PGM5: variants seen among roughly 807,000 people sequenced by gnomAD.
PGM5 encodes the protein phosphoglucomutase-like protein 5.
Under a neutral mutation model 59.2 loss-of-function variants are expected in PGM5, and 23 were observed. That is an observed-to-expected ratio of 0.39 (90% CI 0.28 to 0.55). The LOEUF (loss-of-function observed/expected upper bound fraction) is 0.55. Among genes scored for constraint, PGM5 ranks in the 20% least tolerant of loss-of-function variants. The probability of loss-of-function intolerance (pLI) is 0.66; values close to 1 mark genes in which losing one functional copy is unlikely to be tolerated. For missense variants in PGM5, 574 were observed against 748.3 expected, an observed-to-expected ratio of 0.77 and a Z score of 2.72; for synonymous variants, 214 against 286.0, an observed-to-expected ratio of 0.75 and a Z score of 2.54.
At chr9:68,482,896 T>C (rs1824221128) in intron 8 of PGM5, among the ~76,000 whole-genome samples, 1 of 152,258 alleles carries the variant, frequency 6.6e-6, no homozygotes, top group Non-Finnish European at 1.5e-5. Context: ...ATTGGTATTA[T>C]TTTTAGTCTT....
intron 7 of PGM5, among the ~76,000 whole-genome samples, chr9:68,470,173 TTTA>T (rs1554686135): frequency 6.6e-6 from 1 of 152,194 alleles, no homozygotes; most frequent in East Asian, 1.9e-4. Flanking sequence ...TTATTTATAA[TTTA>T]TTATGTTAAC....
At chr9:68,360,292 A>C (rs1195726446) in intron 1 of PGM5, among the ~76,000 whole-genome samples, 1 of 151,574 alleles carries the variant, frequency 6.6e-6, no homozygotes, top group Non-Finnish European at 1.5e-5. Flanking sequence ...TGTATAAAAA[A>C]TTTTATAAAT....
chr9:68,484,074 G>T, intron 9 of PGM5, 26 bp downstream of exon 9: 1 of 1,604,236 alleles, frequency 6.2e-7, no homozygotes, highest in Non-Finnish European at 8.5e-7. Flanking sequence ...TCACTACAAC[G>T]GGTTATCAGG....
chr9:68,499,840 T>A (rs1315857165), intron 10 of PGM5, among the ~76,000 whole-genome samples: 1 of 152,232 alleles, frequency 6.6e-6, no homozygotes, highest in Non-Finnish European at 1.5e-5. Context: ...GGTGGCCTTT[T>A]AAGTTAAGGA....
chr9:68,470,306 A>AGTCATTT (rs1823999898), intron 7 of PGM5, among the ~76,000 whole-genome samples: 1 of 152,188 alleles, frequency 6.6e-6, no homozygotes, highest in Admixed American at 6.5e-5. Context: ...ACTTTAGCAT[A>AGTCATTT]GTCATTTTGT....
At chr9:68,433,403 G>C in intron 6 of PGM5, among the ~76,000 whole-genome samples, 1 of 152,194 alleles carries the variant, frequency 6.6e-6, no homozygotes, top group East Asian at 1.9e-4. Flanking sequence ...ATGAAAATCT[G>C]CTCTTTAAAA....
At chr9:68,410,163 A>G (rs566453464) in intron 6 of PGM5, among the ~76,000 whole-genome samples, 5 of 152,248 alleles carry the variant, frequency 3.3e-5, no homozygotes, top group Non-Finnish European at 7.3e-5. Context: ...GAAGAAGGGC[A>G]AAGGACTACA....
At chr9:68,400,106 T>C (rs555676032) in intron 6 of PGM5, among the ~76,000 whole-genome samples, 158 of 152,264 alleles carry the variant, frequency 1.0e-3, no homozygotes, top group African/African-American at 3.6e-3. Flanking sequence ...TCCCACTTCC[T>C]CTAGACTTCC....
intron 6 of PGM5, among the ~76,000 whole-genome samples, chr9:68,415,462 C>A (rs1274881049): frequency 6.8e-6 from 1 of 146,924 alleles, no homozygotes; most frequent in Non-Finnish European, 1.5e-5. Context: ...ATTCAAAGCA[C>A]AGCCTGGAAC....
intron 8 of PGM5, among the ~76,000 whole-genome samples, chr9:68,483,184 G>T (rs1216222966): frequency 6.6e-6 from 1 of 152,102 alleles, no homozygotes; most frequent in Admixed American, 6.6e-5. Context: ...TGGAGCTCAC[G>T]TTCTGGTGGC....
At chr9:68,499,835 C>A (rs1488601377) in intron 10 of PGM5, among the ~76,000 whole-genome samples, 3 of 152,218 alleles carry the variant, frequency 2.0e-5, no homozygotes, top group South Asian at 2.1e-4. Flanking sequence ...ATATAGGTGG[C>A]CTTTTAAGTT....
At chr9:68,406,678 G>GTATATGTA (rs1822819715) in intron 6 of PGM5, among the ~76,000 whole-genome samples, 2 of 23,600 alleles carry the variant, frequency 8.5e-5, no homozygotes, top group African/African-American at 3.5e-4. Flanking sequence ...ATATATATAT[G>GTATATGTA]TATATATATA....
At chr9:68,408,408 T>A (rs2132036372) in intron 6 of PGM5, among the ~76,000 whole-genome samples, 1 of 152,312 alleles carries the variant, frequency 6.6e-6, no homozygotes. Flanking sequence ...TTCACCCACT[T>A]TTTGATGGGG....
intron 6 of PGM5, 142 bp downstream of exon 6, chr9:68,392,615 A>G (rs1322593841): frequency 7.4e-7 from 1 of 1,348,394 alleles, no homozygotes; most frequent in East Asian, 2.7e-5. Flanking sequence ...TGTACTGGGT[A>G]GAAGCTGGAG....
rs782353885 is a variant in PGM5 at position 68,384,406 on chromosome 9, C to A, written c.433C>A (p.Pro145Thr). ...KFNVANGGPA[P>T]DVVSDKIYQI... ...TGGTGTTCACATTTTAGGTCCTGCA[C>A]CCGATGTTGTCTCAGACAAAATCTA... The change falls in exon 3 of 11, where the codon CCC (proline) becomes ACC (threonine). Residue 145 changes from proline (P) to threonine (T), a missense_variant. By Grantham distance (38) the Pro-to-Thr change is conservative. Transcript: ENST00000396396. 4 of 1,604,464 alleles carry A rather than the reference C, an allele frequency of 2.5e-6. No individual in the cohort carries two copies. The highest frequency in any genetic ancestry group is 4.5e-5 in the East Asian group (2 of 44,796).
chr9:68,388,913 T>C (rs1822296576), intron 4 of PGM5, among the ~76,000 whole-genome samples: 1 of 152,072 alleles, frequency 6.6e-6, no homozygotes. Context: ...CTTTATTATA[T>C]TGGACACCTG....
Position 68,465,153 on chromosome 9 carries a change from A to C in PGM5, c.1104A>C (p.Ser368=). The part of the protein sequence containing the change: ...YETPAGWRFF[S]NLMDSGRCNL... Reference sequence around the variant, plus strand: ...CCCCAGCTGGATGGAGATTCTTCTCAAATCTGATGGACTCAGGACGTTGCA... The same window carrying C: ...CCCCAGCTGGATGGAGATTCTTCTCCAATCTGATGGACTCAGGACGTTGCA... The change falls in exon 7 of 11, where the codon TCA becomes TCC. Residue 368 remains serine (S), a synonymous_variant. Coordinates refer to ENST00000396396, the MANE Select transcript of PGM5 (RefSeq NM_021965.4). 1 of 1,613,610 alleles carries C rather than the reference A, an allele frequency of 6.2e-7. No homozygotes were observed. Among genetic ancestry groups the C allele is most frequent in the Non-Finnish European group, 8.5e-7 (1 of 1,179,558 alleles).
chr9:68,499,253 A>G lies in PGM5; in HGVS notation c.1506A>G (p.Ala502=). 1 of 1,614,220 alleles carries G rather than the reference A, an allele frequency of 6.2e-7. No homozygotes were observed. The highest frequency in any genetic ancestry group is 8.5e-7 in the Non-Finnish European group (1 of 1,180,042). The change falls in exon 10 of 11, where the codon GCA becomes GCG. Residue 502 remains alanine, a synonymous_variant. Coordinates refer to ENST00000396396, the MANE Select transcript of PGM5 (RefSeq NM_021965.4). The part of the protein sequence containing the change: ...KQGLRIIFSD[A]SRLIFRLSSS... ...GCCTAAGGATCATTTTCTCGGATGC[A>G]TCACGGCTCATCTTCCGGCTCAGTT...
At position 68,530,661 on chromosome 9, in the gene PGM5, G is replaced by A. The variant is rs982470255; in HGVS notation, c.*1005G>A. 23 of 152,256 alleles carry A rather than the reference G, an allele frequency of 1.5e-4. No homozygotes were observed. Among genetic ancestry groups the A allele is most frequent in the African/African-American group, 5.1e-4 (21 of 41,440 alleles). The allele number at this position is 152,256 out of a possible 1,614,324, so 9.4% of individuals were successfully genotyped here. On this transcript the variant is annotated 3_prime_UTR_variant, in exon 11 of 11. Coordinates refer to ENST00000396396, the MANE Select transcript of PGM5 (RefSeq NM_021965.4). ...GTAGGAAATGAAGTGGAAGCTGGAAGAAAATGTAATTGGTGGTACAGCTAT... is the reference window on the plus strand; with the variant it reads ...GTAGGAAATGAAGTGGAAGCTGGAAAAAAATGTAATTGGTGGTACAGCTAT...
Sources: allele counts gnomAD v4.1 joint callset (sites outside exome capture counted in the v4.1 genomes callset), GRCh38; gene constraint gnomAD v4.1.1; transcripts MANE v1.5; gene names NCBI Gene and HGNC (gene_info 2026-07-23, HGNC 2026-07-21).